The following SDK1 variants were observed in gnomAD, a reference collection of about 807,000 sequenced individuals.
SDK1 encodes the protein sidekick cell adhesion molecule 1.
A neutral mutation model predicts 245.5 loss-of-function variants in SDK1; 157 were observed. The ratio of observed to expected loss-of-function variants is 0.64; its 90% CI spans 0.56 to 0.73. The LOEUF (loss-of-function observed/expected upper bound fraction) is 0.73. SDK1 is among the 30% of genes least tolerant of loss of function. The pLI is 0.00. For missense variants in SDK1, 3,583 were observed against 3,002.3 expected, an observed-to-expected ratio of 1.19 and a Z score of -4.52; for synonymous variants, 1,647 against 1,278.5, an observed-to-expected ratio of 1.29 and a Z score of -6.15.
intron 1 of SDK1, among the ~76,000 whole-genome samples, chr7:3,505,594 C>G (rs963255595): frequency 6.6e-6 from 1 of 152,162 alleles, no homozygotes; most frequent in Non-Finnish European, 1.5e-5. Context: ...ATATAGTATG[C>G]TTAAAATAGT....
At chr7:3,326,075 T>C (rs1421263206) in intron 1 of SDK1, among the ~76,000 whole-genome samples, 1 of 152,220 alleles carries the variant, frequency 6.6e-6, no homozygotes, top group Non-Finnish European at 1.5e-5. Flanking sequence ...TTTCTTAATG[T>C]AACTTAATAA....
chr7:3,948,149 A>T (rs1424374173), intron 5 of SDK1, among the ~76,000 whole-genome samples: 1 of 151,790 alleles, frequency 6.6e-6, no homozygotes, highest in Non-Finnish European at 1.5e-5. Flanking sequence ...CAGAAAATGC[A>T]TAGCTTTGCC....
chr7:3,414,500 A>T (rs1402992483), intron 1 of SDK1, among the ~76,000 whole-genome samples: 1 of 152,142 alleles, frequency 6.6e-6, no homozygotes, highest in Non-Finnish European at 1.5e-5. Context: ...CTTTTACATG[A>T]ATATCTATAG....
chr7:3,970,165 C>T (rs949991883), intron 11 of SDK1, among the ~76,000 whole-genome samples: 1 of 152,240 alleles, frequency 6.6e-6, no homozygotes, highest in Non-Finnish European at 1.5e-5. Flanking sequence ...AAAGAATGCT[C>T]ACTCAGATTT....
Position 4,115,175 on chromosome 7 carries a change from A to T in SDK1, c.3823+901A>T, listed in dbSNP as rs545314800. Among the ~76,000 whole-genome samples, 4 of 152,338 alleles carry T rather than the reference A, an allele frequency of 2.6e-5. No homozygotes were observed. In the South Asian group the frequency reaches 8.3e-4, roughly 32 times the overall value. On this transcript the variant is annotated intron_variant, in intron 25 of 44. Transcript: ENST00000404826. ...ACTGTCACCTGACCCCGGTCCCTTC[A>T]GTCTGATCTGAATTAGTGAGGTTCT...
Position 3,674,749 on chromosome 7 carries a change from C to A in SDK1, c.713+32644C>A, listed in dbSNP as rs560850404. 2.0e-4 allele frequency among the ~76,000 whole-genome samples: 31 copies of A among 152,252 alleles called. No homozygotes were observed. In the South Asian group the frequency reaches 6.4e-3, roughly 32 times the overall value. On this transcript the variant is annotated intron_variant, in intron 4 of 44. Coordinates refer to ENST00000404826, the MANE Select transcript of SDK1 (RefSeq NM_152744.4). Reference sequence around the variant, plus strand: ...CCAATTTTCATGGTGTGAATACTCCCACCACAGTGTATTCCAGGTGACCAA... The same window carrying A: ...CCAATTTTCATGGTGTGAATACTCCAACCACAGTGTATTCCAGGTGACCAA...
chr7:3,593,033 G>C (rs189581697), intron 1 of SDK1, among the ~76,000 whole-genome samples: 1 of 152,298 alleles, frequency 6.6e-6, no homozygotes, highest in African/African-American at 2.4e-5. Flanking sequence ...AACGAGTGTT[G>C]CAAGTGGAAA....
At chr7:3,603,341 A>C (rs577114865) in intron 1 of SDK1, among the ~76,000 whole-genome samples, 1 of 149,806 alleles carries the variant, frequency 6.7e-6, no homozygotes, top group South Asian at 2.2e-4. Context: ...ATTTGTTTGT[A>C]TCCTCTTTTA....
chr7:3,604,114 T>A (rs1397669582), intron 1 of SDK1, among the ~76,000 whole-genome samples: 1 of 152,212 alleles, frequency 6.6e-6, no homozygotes, highest in African/African-American at 2.4e-5. Context: ...TTTGCATCGA[T>A]GTTCATCAAG....
rs142920821 is a variant in SDK1 at position 3,612,028 on chromosome 7, C to G, written c.299-7052C>G. ...AACCAAACATTGTATCTTCTCACTC[C>G]TAAGTGGGAGCTAAGCTGTGAGGAT... is the stretch of plus-strand genomic sequence containing the variant. On this transcript the variant is annotated intron_variant, in intron 1 of 44. Transcript: ENST00000404826. 2.6e-5 allele frequency among the ~76,000 whole-genome samples: 4 copies of G among 152,092 alleles called. No individual in the cohort carries two copies. The East Asian group carries it at 7.8e-4, about 30-fold the overall frequency.
chr7:3,779,321 G>A (rs1443877648), intron 4 of SDK1, among the ~76,000 whole-genome samples: 1 of 152,076 alleles, frequency 6.6e-6, no homozygotes, highest in Non-Finnish European at 1.5e-5. Context: ...ATTCTTGAGT[G>A]GATAAGAGCA....
intron 4 of SDK1, among the ~76,000 whole-genome samples, chr7:3,693,950 A>G (rs528242876): frequency 1.5e-4 from 23 of 152,238 alleles, no homozygotes; most frequent in South Asian, 6.2e-4. Context: ...ACTCAGCTGC[A>G]TGCTGCCTTG....
intron 1 of SDK1, among the ~76,000 whole-genome samples, chr7:3,521,330 C>G (rs1782930010): frequency 6.6e-6 from 1 of 152,186 alleles, no homozygotes. Flanking sequence ...TTGAAAGTAC[C>G]TTTTGCTTTG....
intron 18 of SDK1, among the ~76,000 whole-genome samples, chr7:4,050,562 A>G (rs28458813): frequency 0.2 from 29,874 of 152,160 alleles, 3,653 homozygotes; most frequent in African/African-American, 0.36. Flanking sequence ...TTGGTGCCAA[A>G]GGAATTAAAA....
At chr7:3,952,519 GT>G (rs1313010076) in intron 7 of SDK1, among the ~76,000 whole-genome samples, 7 of 152,070 alleles carry the variant, frequency 4.6e-5, no homozygotes, top group Non-Finnish European at 1.0e-4. Flanking sequence ...GGAGGCAGAG[GT>G]TGCAGTGAGC....
At chr7:4,003,014 A>T (rs1251407111) in intron 14 of SDK1, among the ~76,000 whole-genome samples, 1 of 152,182 alleles carries the variant, frequency 6.6e-6, no homozygotes, top group African/African-American at 2.4e-5. Flanking sequence ...CCCCATGGGC[A>T]TCAGGCCCCC....
intron 1 of SDK1, among the ~76,000 whole-genome samples, chr7:3,495,826 G>C (rs1306120518): frequency 6.6e-6 from 1 of 152,130 alleles, no homozygotes; most frequent in African/African-American, 2.4e-5. Context: ...CCCGTGGCCT[G>C]GGTGCTCCTA....
chr7:4,064,266 G>A (rs982009087), intron 19 of SDK1, among the ~76,000 whole-genome samples: 6 of 152,206 alleles, frequency 3.9e-5, no homozygotes, highest in African/African-American at 1.4e-4. Flanking sequence ...CAAGGGACAT[G>A]AATAAACCCT....
chr7:4,043,016 G>C (rs1788744049), intron 17 of SDK1, among the ~76,000 whole-genome samples: 1 of 152,242 alleles, frequency 6.6e-6, no homozygotes, highest in Admixed American at 6.5e-5. Flanking sequence ...TGAGGCTTTA[G>C]AACCTCCCTT....
Sources: allele counts gnomAD v4.1 joint callset (sites outside exome capture counted in the v4.1 genomes callset), GRCh38; gene constraint gnomAD v4.1.1; transcripts MANE v1.5; gene names NCBI Gene and HGNC (gene_info 2026-07-23, HGNC 2026-07-21).